The following MIPEP variants were observed in gnomAD, a reference collection of about 807,000 sequenced individuals.
MIPEP encodes the protein mitochondrial intermediate peptidase.
Under a neutral mutation model 90.3 loss-of-function variants are expected in MIPEP, and 79 were observed. The observed-to-expected ratio is 0.87, with a 90% CI of 0.73 to 1.05. The LOEUF (loss-of-function observed/expected upper bound fraction) is 1.05, where lower values mean the gene tolerates loss of function less well. MIPEP is among the 50% of genes least tolerant of loss of function. The pLI, the probability that MIPEP is intolerant of heterozygous loss-of-function variation, is 0.00. For missense variants in MIPEP, 940 were observed against 905.6 expected (o/e 1.04, Z -0.49); for synonymous variants, 334 against 315.8 (o/e 1.06, Z -0.61).
intron 16 of MIPEP, among the ~76,000 whole-genome samples, chr13:23,785,380 A>G (rs1450644985): frequency 6.6e-6 from 1 of 151,964 alleles, no homozygotes; most frequent in African/African-American, 2.4e-5. Context: ...TCAGAAAACT[A>G]TCGCAAGAAC....
At position 23,756,827 on chromosome 13, in the gene MIPEP, G is replaced by C. The variant is rs1952495281; in HGVS notation, c.1971-209C>G. 5 of 565,072 alleles carry C rather than the reference G, an allele frequency of 8.8e-6. No homozygotes were observed. In the Admixed American group the frequency reaches 1.3e-4, roughly 15 times the overall value. The allele number at this position is 565,072 out of a possible 1,614,324, so 35.0% of individuals were successfully genotyped here. ...TTAAATCAGGTGTGACATATTCCCTGTAAGAGGATAACTATACTTTTGGCT... is the reference window on the plus strand; with the variant it reads ...TTAAATCAGGTGTGACATATTCCCTCTAAGAGGATAACTATACTTTTGGCT... On this transcript the variant is annotated intron_variant, in intron 17 of 18. Transcript: ENST00000382172.
At chr13:23,772,274 A>T (rs1952661260) in intron 16 of MIPEP, among the ~76,000 whole-genome samples, 1 of 151,494 alleles carries the variant, frequency 6.6e-6, no homozygotes, top group Non-Finnish European at 1.5e-5. Context: ...CATCTGAAGA[A>T]TTTCCAAAAT....
At chr13:23,827,805 G>A (rs182337859) in intron 14 of MIPEP, among the ~76,000 whole-genome samples, 138 of 152,196 alleles carry the variant, frequency 9.1e-4, no homozygotes, top group African/African-American at 3.2e-3. Flanking sequence ...GGTGGCACAC[G>A]CTGTAATCCC....
intron 10 of MIPEP, among the ~76,000 whole-genome samples, chr13:23,850,986 G>T (rs1380910175): frequency 6.6e-6 from 1 of 152,212 alleles, no homozygotes; most frequent in Non-Finnish European, 1.5e-5. Context: ...AATAGGCAGA[G>T]ATTTTCTCCC....
intron 18 of MIPEP, among the ~76,000 whole-genome samples, chr13:23,732,233 C>G (rs535122508): frequency 6.6e-6 from 1 of 152,038 alleles, no homozygotes; most frequent in South Asian, 2.1e-4. Context: ...AAGCGATCCT[C>G]CTGCCTTGGC....
chr13:23,859,000 C>A (rs766262021), intron 9 of MIPEP, 88 bp from the exon 10 acceptor site: 12 of 1,037,448 alleles, frequency 1.2e-5, no homozygotes, highest in Non-Finnish European at 1.8e-5. Context: ...GAATGTAAAC[C>A]AGCTACTGTT....
At chr13:23,776,996 AG>A (rs1952725507) in intron 16 of MIPEP, among the ~76,000 whole-genome samples, 1 of 152,216 alleles carries the variant, frequency 6.6e-6, no homozygotes, top group African/African-American at 2.4e-5. Flanking sequence ...TTCTTACTGC[AG>A]GTTTGCTCAA....
intron 14 of MIPEP, among the ~76,000 whole-genome samples, chr13:23,821,000 A>C (rs1953299204): frequency 6.6e-6 from 1 of 152,180 alleles, no homozygotes; most frequent in Admixed American, 6.5e-5. Context: ...AAAAACGCCA[A>C]ATAATACCAA....
chr13:23,741,653 G>T (rs140185142), intron 18 of MIPEP, among the ~76,000 whole-genome samples: 2 of 151,608 alleles, frequency 1.3e-5, no homozygotes, highest in African/African-American at 4.9e-5. Context: ...AACAACACAC[G>T]CTGACGCCTA....
At position 23,870,161 on chromosome 13, in the gene MIPEP, A is replaced by G. The variant is rs1431824746; in HGVS notation, c.638T>C (p.Leu213Ser). ...KRAVDLNVKILDLSSTFLMGT... is the reference protein window; with the variant it reads ...KRAVDLNVKISDLSSTFLMGT... Reference sequence around the variant, plus strand: ...CATAAGAAATGTACTACTCAAATCCAAGATTTTAACATTGAGGTCCACTGC... The same window carrying G: ...CATAAGAAATGTACTACTCAAATCCGAGATTTTAACATTGAGGTCCACTGC... The change falls in exon 6 of 19, where the codon TTG (leucine) becomes TCG (serine). Residue 213 changes from leucine (L) to serine (S), a missense_variant. Transcript: ENST00000382172. 1 of 1,607,650 alleles carries G rather than the reference A, an allele frequency of 6.2e-7. No individual in the cohort carries two copies. The highest frequency in any genetic ancestry group is 8.5e-7 in the Non-Finnish European group (1 of 1,176,862).
intron 18 of MIPEP, among the ~76,000 whole-genome samples, chr13:23,731,387 C>T (rs756522647): frequency 2.0e-5 from 3 of 152,146 alleles, no homozygotes; most frequent in Non-Finnish European, 2.9e-5. Flanking sequence ...TACAGGTGGG[C>T]AGGCTCAGTC....
At chr13:23,807,479 G>C (rs943761498) in intron 15 of MIPEP, among the ~76,000 whole-genome samples, 5 of 152,134 alleles carry the variant, frequency 3.3e-5, no homozygotes, top group Non-Finnish European at 7.3e-5. Flanking sequence ...ATGACCTCTG[G>C]CTTCTGGCTG....
At chr13:23,777,936 T>C (rs1952736134) in intron 16 of MIPEP, among the ~76,000 whole-genome samples, 1 of 152,140 alleles carries the variant, frequency 6.6e-6, no homozygotes, top group South Asian at 2.1e-4. Flanking sequence ...ACATACTAAG[T>C]TTTAAGAGGG....
At chr13:23,788,831 A>C (rs1464815514) in intron 16 of MIPEP, among the ~76,000 whole-genome samples, 1 of 152,244 alleles carries the variant, frequency 6.6e-6, no homozygotes, top group Non-Finnish European at 1.5e-5. Context: ...AGGGATATGT[A>C]AACTCTTCAG....
At chr13:23,759,931 G>T (rs369496226) in intron 17 of MIPEP, among the ~76,000 whole-genome samples, 165 bp downstream of exon 17, 23 of 152,314 alleles carry the variant, frequency 1.5e-4, no homozygotes, top group African/African-American at 5.3e-4. Flanking sequence ...AGCAAGCTTG[G>T]GTGGGAATGG....
At chr13:23,788,895 TTATC>T (rs1191127269) in intron 16 of MIPEP, among the ~76,000 whole-genome samples, 5 of 152,328 alleles carry the variant, frequency 3.3e-5, no homozygotes, top group African/African-American at 1.2e-4. Flanking sequence ...AAATATAAAA[TTATC>T]TATCTCAGTG....
chr13:23,829,025 T>A (rs1216803036), intron 14 of MIPEP, among the ~76,000 whole-genome samples: 1 of 152,116 alleles, frequency 6.6e-6, no homozygotes, highest in East Asian at 1.9e-4. Flanking sequence ...TGAAAGAGAA[T>A]CCCACAAACT....
At chr13:23,806,538 C>G (rs1182220282) in intron 15 of MIPEP, among the ~76,000 whole-genome samples, 1 of 151,940 alleles carries the variant, frequency 6.6e-6, no homozygotes, top group East Asian at 1.9e-4. Flanking sequence ...ATTAGACAGG[C>G]GTGGTGGCAG....
intron 14 of MIPEP, among the ~76,000 whole-genome samples, chr13:23,813,443 C>T (rs1199536756): frequency 1.3e-5 from 2 of 151,934 alleles, no homozygotes; most frequent in African/African-American, 2.4e-5. Context: ...GAAATCACCT[C>T]GTGTGTAAAT....
Sources: gnomAD v4.1 joint callset for allele counts (sites outside exome capture counted in the v4.1 genomes callset) on GRCh38, gnomAD v4.1.1 for gene constraint, MANE v1.5 for transcripts, NCBI Gene and HGNC (gene_info 2026-07-23, HGNC 2026-07-21) for gene names.